The following TNK2 variants were observed in gnomAD, a reference collection of about 807,000 sequenced individuals.
TNK2 encodes the protein tyrosine kinase non receptor 2.
A neutral mutation model predicts 101.8 loss-of-function variants in TNK2; 83 were observed. The ratio of observed to expected loss-of-function variants is 0.82; its 90% CI spans 0.68 to 0.98. The LOEUF (loss-of-function observed/expected upper bound fraction) is 0.98. Ranked by LOEUF, TNK2 falls within the 50% of genes least tolerant of loss-of-function variation. The pLI, the probability that TNK2 is intolerant of heterozygous loss-of-function variation, is 0.00. For synonymous variants in TNK2, 804 were observed against 633.0 expected (o/e 1.27, Z -4.06); for missense variants, 1,665 against 1,483.2 (o/e 1.12, Z -2.01).
At chr3:195,908,161 C>A in intron 1 of TNK2, 1 of 154,740 alleles carries the variant, frequency 6.5e-6, no homozygotes, top group Non-Finnish European at 1.4e-5. Flanking sequence ...CCCCTACTGC[C>A]ATCGGGGGGC....
rs148423089 is a variant in TNK2, at chr3:195,867,767, G to A, written c.2531C>T (p.Thr844Ile). The A allele has an allele frequency of 3.1e-6, 5 of 1,587,652 alleles. No individual in the cohort carries two copies. The highest frequency in any genetic ancestry group is 1.8e-5 in the Admixed American group (1 of 54,484). ...GCCAGGGGCCTGGATCACCTGGGGG[G>A]TGGCGTACTTGGGGTCTGAGGCAAA... ...QSFASDPKYA[T>I]PQVIQAPGPR... is the part of the protein sequence containing the mutation. Residue 844 changes from threonine to isoleucine, a missense_variant, in exon 13 of 16, where the codon ACC becomes ATC. Thr to Ile is a moderately conservative substitution (Grantham distance 89, BLOSUM62 -1). Around this residue, in one of 3 missense-constraint regions of TNK2, gnomAD observed 1,136 missense variants for 894.9 expected, o/e 1.27. Transcript: ENST00000672887.
intron 4 of TNK2, 71 bp downstream of exon 4, chr3:195,884,741 G>A (rs1370282235): frequency 4.9e-6 from 7 of 1,419,092 alleles, no homozygotes; most frequent in African/African-American, 1.4e-5. Flanking sequence ...CACCCTGGTT[G>A]GGGGCAGAAG....
Position 195,883,138 on chromosome 3 carries a change from T to G in TNK2, c.609+19A>C. The stretch of plus-strand genomic sequence containing the variant: ...CGGAGCCCTCTCCCTGCCCGCCCCC[T>G]CCCGCCCGCAGTACTCACCATCTTC... On this transcript the variant is annotated intron_variant, in intron 5 of 15. Coordinates refer to ENST00000672887, the MANE Select transcript of TNK2 (RefSeq NM_001382273.1). 2.4e-5 allele frequency: 23 copies of G among 966,772 alleles called. No individual in the cohort carries two copies. Among genetic ancestry groups the G allele is most frequent in the Non-Finnish European group, 3.4e-5 (22 of 653,166 alleles). The allele number at this position is 966,772 out of a possible 1,614,324, so 59.9% of individuals were successfully genotyped here.
At chr3:195,872,174 G>A (rs879703240) in intron 10 of TNK2, 102 bp downstream of exon 10, 19 of 1,335,320 alleles carry the variant, frequency 1.4e-5, no homozygotes, top group Middle Eastern at 2.6e-4. Context: ...GCTGAAGCCC[G>A]GGCGAAAGGG....
At chr3:195,884,711 C>A (rs1265378348) in intron 4 of TNK2, 101 bp downstream of exon 4, 1 of 1,076,160 alleles carries the variant, frequency 9.3e-7, no homozygotes, top group Admixed American at 2.6e-5. Context: ...CACACTGTGA[C>A]GCATCCCCAG....
rs1023495085 is a variant in TNK2 at position 195,870,092 on chromosome 3, C to G, written c.1543+22G>C. ...TGAGTAGCCGATGAGTTAGGGACAC[C>G]AGGGAGCAGAGGGGCTCTTACTTTT... On this transcript the variant is annotated intron_variant, in intron 11 of 15. Transcript: ENST00000672887. 4.8e-6 allele frequency: 7 copies of G among 1,448,442 alleles called. No individual in the cohort carries two copies. The South Asian group carries it at 1.0e-4, about 21-fold the overall frequency. 89.7% of individuals were successfully genotyped at this position (1,448,442 alleles called of 1,614,324 possible).
intron 9 of TNK2, chr3:195,876,715 G>A (rs1749544336): frequency 2.2e-6 from 1 of 446,378 alleles, no homozygotes; most frequent in African/African-American, 2.0e-5. Context: ...GCAGCCACAG[G>A]GAACCAGCGG....
At chr3:195,879,988 C>T (rs1378095475) in intron 6 of TNK2, among the ~76,000 whole-genome samples, 1 of 152,140 alleles carries the variant, frequency 6.6e-6, no homozygotes, top group Non-Finnish European at 1.5e-5. Context: ...AATTTAAGAC[C>T]TCTGCTCGCC....
chr3:195,899,755 G>A (rs934274070), intron 1 of TNK2, among the ~76,000 whole-genome samples: 15 of 152,224 alleles, frequency 9.9e-5, no homozygotes, highest in African/African-American at 3.4e-4. Flanking sequence ...GCTGTGGTCT[G>A]TACATCGTAA....
At chr3:195,883,043 G>C in intron 5 of TNK2, 114 bp downstream of exon 5, 1 of 1,346,060 alleles carries the variant, frequency 7.4e-7, no homozygotes. Context: ...TCAGGTTGGG[G>C]GACCAAAGTA....
chr3:195,904,498 A>AG (rs1761538995), intron 1 of TNK2, among the ~76,000 whole-genome samples: 1 of 152,192 alleles, frequency 6.6e-6, no homozygotes, highest in Non-Finnish European at 1.5e-5. Context: ...TCATAGAGTC[A>AG]GAAGGTAAAA....
chr3:195,876,981 G>T (rs370595613), intron 9 of TNK2, among the ~76,000 whole-genome samples: 1 of 152,200 alleles, frequency 6.6e-6, no homozygotes, highest in Non-Finnish European at 1.5e-5. Flanking sequence ...GCACAAGAGG[G>T]GCCAGGCCCA....
intron 12 of TNK2, 53 bp from the exon 13 acceptor site, chr3:195,868,762 C>T (rs1742686631): frequency 1.3e-6 from 2 of 1,482,142 alleles, no homozygotes; most frequent in South Asian, 1.3e-5. Flanking sequence ...GGGTCTGGGA[C>T]ACGAGGGGAG....
chr3:195,874,132 G>T (rs888326144), intron 9 of TNK2, among the ~76,000 whole-genome samples: 1 of 152,218 alleles, frequency 6.6e-6, no homozygotes, highest in African/African-American at 2.4e-5. Flanking sequence ...CGGGCTCCCC[G>T]GTGGCTGCCG....
At chr3:195,865,077 C>A (rs1418028505) in intron 15 of TNK2, among the ~76,000 whole-genome samples, 4 of 141,606 alleles carry the variant, frequency 2.8e-5, no homozygotes, top group Admixed American at 7.0e-5. Context: ...ACACGGAGTG[C>A]CTGCGTCCCA....
Position 195,881,497 on chromosome 3 carries a change from C to T in TNK2, c.887+554G>A, listed in dbSNP as rs544130225. Among the ~76,000 whole-genome samples the T allele has an allele frequency of 2.2e-3, 156 of 69,726 alleles. 1 individual carries two copies. The highest frequency in any genetic ancestry group is 2.9e-3 in the Non-Finnish European group (110 of 38,552). 45.7% of individuals were successfully genotyped at this position (69,726 alleles called of 152,430 possible). On this transcript the variant is annotated intron_variant, in intron 6 of 15. Transcript: ENST00000672887. ...GTCCCTCTAACACCCCCCCCAGCAA[C>T]GCCCCTTGGAGAGGACACGGCATCT...
intron 9 of TNK2, among the ~76,000 whole-genome samples, chr3:195,873,442 T>TG (rs1746870905): frequency 7.4e-6 from 1 of 134,338 alleles, no homozygotes; most frequent in South Asian, 2.6e-4. Context: ...GAGAGCCCCG[T>TG]GGGCAGTGTC....
intron 1 of TNK2, among the ~76,000 whole-genome samples, chr3:195,897,256 C>T (rs868046989): frequency 1.3e-5 from 2 of 152,260 alleles, no homozygotes; most frequent in African/African-American, 4.8e-5. Flanking sequence ...CCAGGCAACC[C>T]TGCACCTTCA....
At chr3:195,865,744 C>A (rs1740399042) in intron 15 of TNK2, among the ~76,000 whole-genome samples, 1 of 151,964 alleles carries the variant, frequency 6.6e-6, no homozygotes, top group Non-Finnish European at 1.5e-5. Context: ...GTGCCTGCAT[C>A]CCAGCTGCAA....
Sources: gnomAD v4.1 joint callset for allele counts (sites outside exome capture counted in the v4.1 genomes callset) on GRCh38, gnomAD v4.1.1 for gene constraint, gnomAD v4.1.1 regional missense constraint, MANE v1.5 for transcripts, NCBI Gene and HGNC (gene_info 2026-07-23, HGNC 2026-07-21) for gene names.